Variants in SNX31 observed in about 807,000 individuals in gnomAD.
SNX31 encodes the protein sorting nexin-31.
In SNX31, 58 loss-of-function variants were observed where a neutral mutation model predicts 65.4. The ratio of observed to expected loss-of-function variants is 0.89; its 90% CI spans 0.72 to 1.10. SNX31 has a LOEUF of 1.10. SNX31 is among the 50% of genes least tolerant of loss of function. SNX31 has a pLI of 0.00. For missense variants in SNX31, 523 were observed against 529.7 expected (o/e 0.99, Z 0.12); for synonymous variants, 181 against 190.1 (o/e 0.95, Z 0.39).
chr8:100,637,947 C>T (rs55831012), intron 2 of SNX31, among the ~76,000 whole-genome samples: 22,661 of 152,072 alleles, frequency 0.15, 1,865 homozygotes, highest in South Asian at 0.23. Flanking sequence ...CTGGCTGCCT[C>T]GGCCTCCCAA....
At position 100,611,555 on chromosome 8, in the gene SNX31, T is replaced by C. The variant is rs542997542; in HGVS notation, c.611+445A>G. Among the ~76,000 whole-genome samples the C allele has an allele frequency of 3.3e-5, 5 of 152,308 alleles. No homozygotes were observed. In the East Asian group the frequency reaches 9.6e-4, roughly 29 times the overall value. On this transcript the variant is annotated intron_variant, in intron 7 of 13. Coordinates refer to ENST00000311812, the MANE Select transcript of SNX31 (RefSeq NM_152628.4). ...TTTATTTCACCCTCTCTCATTTTCA[T>C]TGCTTTTCTTTTCTTTTTGAGACAG...
chr8:100,652,180 G>A (rs1433751579), upstream of SNX31, among the ~76,000 whole-genome samples: 3 of 151,942 alleles, frequency 2.0e-5, no homozygotes, highest in Admixed American at 6.6e-5. Context: ...GGGTTTCACC[G>A]TGTTAGCCAG....
At chr8:100,600,823 T>C (rs79721722) in intron 8 of SNX31, among the ~76,000 whole-genome samples, 51 of 152,152 alleles carry the variant, frequency 3.4e-4, no homozygotes, top group African/African-American at 1.2e-3. Context: ...AATGAAGAAA[T>C]AGTCATATAT....
Position 100,608,516 on chromosome 8 carries a change from G to A in SNX31, c.659C>T (p.Ala220Val), listed in dbSNP as rs780032494. 36 of 1,613,870 alleles carry A rather than the reference G, an allele frequency of 2.2e-5. No individual in the cohort carries two copies. The highest frequency in any genetic ancestry group is 5.5e-5 in the South Asian group (5 of 91,074). The stretch of plus-strand genomic sequence containing the variant: ...CACCTGCATGTAGAGCAAATCTACC[G>A]CCACCCTGCAGTCCATCAGCACGGA... ...LDSVLMDCRVAVDLLYMQAIQ... is the reference protein window; with the variant it reads ...LDSVLMDCRVVVDLLYMQAIQ... Residue 220 changes from alanine (A) to valine (V), a missense_variant, in exon 8 of 14, where the codon GCG (alanine) becomes GTG (valine). Transcript: ENST00000311812.
chr8:100,617,834 G>C, intron 4 of SNX31, 104 bp from the exon 5 acceptor site: 1 of 878,274 alleles, frequency 1.1e-6, no homozygotes, highest in Middle Eastern at 3.6e-4. Flanking sequence ...GCGTGATCTT[G>C]GCTCACTGCA....
At chr8:100,597,345 G>A (rs1391932953) in intron 9 of SNX31, among the ~76,000 whole-genome samples, 4 of 152,062 alleles carry the variant, frequency 2.6e-5, no homozygotes, top group Non-Finnish European at 4.4e-5. Context: ...TGGTTCAAGT[G>A]ATTATCCTGC....
At chr8:100,592,301 G>A (rs1407258695) in intron 10 of SNX31, among the ~76,000 whole-genome samples, 1 of 151,826 alleles carries the variant, frequency 6.6e-6, no homozygotes, top group Admixed American at 6.6e-5. Flanking sequence ...GCACTGGATG[G>A]GATAAATAAC....
chr8:100,596,138 T>A (rs1334410702), intron 10 of SNX31, among the ~76,000 whole-genome samples: 1 of 152,018 alleles, frequency 6.6e-6, no homozygotes. Flanking sequence ...CTCACTGGGG[T>A]CTTATAGGCT....
Position 100,610,929 on chromosome 8 carries a change from GC to G in SNX31, c.611+1070del, listed in dbSNP as rs200022703. Among the ~76,000 whole-genome samples, 1,814 of 152,304 alleles carry G rather than the reference GC, an allele frequency of 0.012. 13 individuals carry two copies. Among genetic ancestry groups the G allele is most frequent in the Non-Finnish European group, 0.015 (1,022 of 68,036 alleles). On this transcript the variant is annotated intron_variant, in intron 7 of 13. Coordinates refer to ENST00000311812, the MANE Select transcript of SNX31 (RefSeq NM_152628.4). This position sits in a 1 kb window ranked among gnomAD's most constrained non-coding sequence, Gnocchi z 4.0. ...GAATAAATGGGCTGGGAGAGAGCGAGCCTAAGGAGCAATCCCCTGCAGCCAC... is the reference window on the plus strand; with the variant it reads ...GAATAAATGGGCTGGGAGAGAGCGAGCTAAGGAGCAATCCCCTGCAGCCAC...
At chr8:100,650,842 G>GTTT (rs200189569), upstream of SNX31, among the ~76,000 whole-genome samples, 3 of 103,814 alleles carry the variant, frequency 2.9e-5, no homozygotes, top group African/African-American at 1.1e-4. Flanking sequence ...TGTTTTTTGT[G>GTTT]TTTTTTTGTT....
chr8:100,649,216 G>C (rs1819857558), intron 2 of SNX31, 58 bp downstream of exon 2: 1 of 1,564,388 alleles, frequency 6.4e-7, no homozygotes, highest in Admixed American at 1.7e-5. Context: ...GCGCTTTGGG[G>C]ACAGCTTTCT....
chr8:100,651,326 C>A (rs1819966939), upstream of SNX31, among the ~76,000 whole-genome samples: 1 of 152,166 alleles, frequency 6.6e-6, no homozygotes. Flanking sequence ...TGGGACAAAG[C>A]CTGATCACGG....
chr8:100,654,806 A>G (rs1025396759), intron 1 of SNX31, among the ~76,000 whole-genome samples: 1 of 152,202 alleles, frequency 6.6e-6, no homozygotes, highest in African/African-American at 2.4e-5. Context: ...TGAGGTCAGG[A>G]GTTCGAGACC....
chr8:100,587,527 C>T (rs562231306), intron 11 of SNX31, among the ~76,000 whole-genome samples: 5 of 152,186 alleles, frequency 3.3e-5, no homozygotes, highest in East Asian at 3.9e-4. Context: ...ATTAATGGTA[C>T]GTCATGTTTT....
chr8:100,587,528 G>A (rs139637620), intron 11 of SNX31, among the ~76,000 whole-genome samples: 98 of 152,244 alleles, frequency 6.4e-4, no homozygotes, highest in African/African-American at 1.9e-3. Context: ...TTAATGGTAC[G>A]TCATGTTTTC....
chr8:100,617,998 T>C (rs1230104689), intron 4 of SNX31: 7 of 803,592 alleles, frequency 8.7e-6, no homozygotes, highest in African/African-American at 1.9e-5. Context: ...ACTCCTGACC[T>C]CAGGTGATCC....
At chr8:100,652,982 T>G (rs1820000700), upstream of SNX31, among the ~76,000 whole-genome samples, 1 of 152,158 alleles carries the variant, frequency 6.6e-6, no homozygotes, top group Non-Finnish European at 1.5e-5. Flanking sequence ...TGGAAGAGAT[T>G]CCTGGTTGGT....
chr8:100,644,563 G>A (rs62513897), intron 2 of SNX31, among the ~76,000 whole-genome samples: 20,046 of 152,268 alleles, frequency 0.13, 1,814 homozygotes, highest in African/African-American at 0.26. Flanking sequence ...GCCCGAGGGA[G>A]CCTCACTGGG....
rs1409792789 is a variant in SNX31, at chr8:100,612,747, G to A, written c.523+248C>T. ...CCGGGCCTGCGGTAAAGGGGAGGGGGTCAGGATTAGGGCTGGGGGTACACA... is the reference window on the plus strand; with the variant it reads ...CCGGGCCTGCGGTAAAGGGGAGGGGATCAGGATTAGGGCTGGGGGTACACA... On this transcript the variant is annotated intron_variant, in intron 6 of 13. Coordinates refer to ENST00000311812, the MANE Select transcript of SNX31 (RefSeq NM_152628.4). This position sits in a 1 kb window ranked among gnomAD's most constrained non-coding sequence, Gnocchi z 4.3. Among the ~76,000 whole-genome samples the A allele has an allele frequency of 4.6e-5, 7 of 152,136 alleles. No homozygotes were observed. The highest frequency in any genetic ancestry group is 1.7e-4 in the African/African-American group (7 of 41,408).
Sources: allele counts gnomAD v4.1 joint callset (sites outside exome capture counted in the v4.1 genomes callset), GRCh38; gene constraint gnomAD v4.1.1; non-coding constraint Gnocchi (gnomAD v3.1); transcripts MANE v1.5; gene names NCBI Gene and HGNC (gene_info 2026-07-23, HGNC 2026-07-21).